Variants in NADK observed in about 807,000 individuals in gnomAD.
The protein encoded by NADK is NAD kinase, also known as poly(P)/ATP NAD kinase.
In NADK, 22 loss-of-function variants were observed where a neutral mutation model predicts 49.8. That is an observed-to-expected ratio of 0.44 (90% CI 0.32 to 0.63). NADK has a LOEUF of 0.63. NADK is among the 30% of genes least tolerant of loss of function. NADK has a pLI of 0.06. For synonymous variants in NADK, 268 were observed against 253.7 expected (o/e 1.06, Z -0.54); for missense variants, 438 against 609.4 (o/e 0.72, Z 2.96).
chr1:1,769,816 C>T (rs959845968), intron 1 of NADK, among the ~76,000 whole-genome samples: 1 of 151,932 alleles, frequency 6.6e-6, no homozygotes, highest in African/African-American at 2.4e-5. Context: ...GTGGCTCACA[C>T]CTGTAATCCC....
intron 3 of NADK, chr1:1,759,088 A>T: frequency 6.6e-7 from 1 of 1,520,198 alleles, no homozygotes; most frequent in Non-Finnish European, 8.9e-7. Flanking sequence ...CCCCGCCAAC[A>T]GTCACCACTG....
chr1:1,777,404 T>G (rs1646243819), intron 1 of NADK, among the ~76,000 whole-genome samples: 1 of 152,100 alleles, frequency 6.6e-6, no homozygotes, highest in Admixed American at 6.6e-5. Flanking sequence ...AAAAAAAAAC[T>G]TATTAAGGCA....
chr1:1,762,701 G>A (rs1032687746), intron 2 of NADK, among the ~76,000 whole-genome samples: 3 of 152,200 alleles, frequency 2.0e-5, no homozygotes, highest in African/African-American at 7.2e-5. Context: ...TGGTTGCAGT[G>A]AGCCGAGATC....
At chr1:1,753,681 C>G in intron 10 of NADK, 32 bp from the exon 11 acceptor site, 1 of 1,571,994 alleles carries the variant, frequency 6.4e-7, no homozygotes, top group Non-Finnish European at 8.7e-7. Flanking sequence ...GTGTGGGCCC[C>G]CAGCTGTGGG....
At chr1:1,773,713 T>TGAGAGAGAGA (rs1333424237) in intron 1 of NADK, among the ~76,000 whole-genome samples, 4 of 126,660 alleles carry the variant, frequency 3.2e-5, no homozygotes, top group East Asian at 4.6e-4. Context: ...TGTGTGTGTG[T>TGAGAGAGAGA]GTGTGTGTGT....
At chr1:1,769,497 G>A (rs1307171408) in intron 1 of NADK, among the ~76,000 whole-genome samples, 3 of 152,158 alleles carry the variant, frequency 2.0e-5, no homozygotes, top group Non-Finnish European at 4.4e-5. Context: ...CTTGCAGCGA[G>A]CCGATATCGC....
intron 3 of NADK, among the ~76,000 whole-genome samples, chr1:1,761,286 T>C (rs1318258677): frequency 6.6e-6 from 1 of 152,154 alleles, no homozygotes; most frequent in African/African-American, 2.4e-5. Context: ...CCACCGCAGC[T>C]GACCAATTTT....
In NADK at chr1:1,756,468, T is replaced by G. The variant is rs375380392; in HGVS notation, c.499+35A>C. Reference sequence around the variant, plus strand: ...CTTCCAATGGGGCGGGGAACTGTGCTGGAGAAACCAAGGACAGAGCTGCTG... The same window carrying G: ...CTTCCAATGGGGCGGGGAACTGTGCGGGAGAAACCAAGGACAGAGCTGCTG... On this transcript the variant is annotated intron_variant, in intron 5 of 11. Coordinates refer to ENST00000341426, the MANE Select transcript of NADK (RefSeq NM_023018.5). 1.5e-5 allele frequency: 24 copies of G among 1,613,474 alleles called. No individual in the cohort carries two copies. In the African/African-American group the frequency reaches 2.9e-4, roughly 20 times the overall value.
chr1:1,771,058 AT>A (rs1388216952), intron 1 of NADK, among the ~76,000 whole-genome samples: 53 of 117,394 alleles, frequency 4.5e-4, no homozygotes, highest in African/African-American at 1.6e-3. Context: ...AAAAAAAAAT[AT>A]ATATATATAT....
At chr1:1,760,006 C>A (rs532915270) in intron 3 of NADK, 25 of 1,305,336 alleles carry the variant, frequency 1.9e-5, no homozygotes, top group Non-Finnish European at 2.7e-5. Context: ...AGAGCCACGG[C>A]GGGGCCGGGA....
At chr1:1,777,912 G>C (rs953545711) in intron 1 of NADK, among the ~76,000 whole-genome samples, 1 of 152,174 alleles carries the variant, frequency 6.6e-6, no homozygotes, top group African/African-American at 2.4e-5. Context: ...GCCCCTCTAA[G>C]CTTTCACGAG....
intron 2 of NADK, 131 bp from the exon 3 acceptor site, chr1:1,762,166 C>T: frequency 2.7e-6 from 2 of 750,940 alleles, no homozygotes; most frequent in East Asian, 5.5e-5. Flanking sequence ...ATCTGCCCAG[C>T]AGCCACACAA....
rs141867983 is a variant in NADK at position 1,769,368 on chromosome 1, G to A, written c.-40-3922C>T. On this transcript the variant is annotated intron_variant, in intron 1 of 11. Transcript: ENST00000341426. ...TTGTGACCAGCCTGGCCAACATGGC[G>A]AAACCCCGTCTCTACTAAAAATACA... Among the ~76,000 whole-genome samples the A allele has an allele frequency of 5.2e-3, 785 of 152,330 alleles. 6 individuals are homozygous for A. The highest frequency in any genetic ancestry group is 0.017 in the African/African-American group (723 of 41,582).
intron 10 of NADK, 56 bp from the exon 11 acceptor site, chr1:1,753,705 G>A (rs1234549743): frequency 6.8e-7 from 1 of 1,473,104 alleles, no homozygotes; most frequent in Admixed American, 1.9e-5. Flanking sequence ...GACGCTTCTA[G>A]GCACCCACCC....
At chr1:1,753,177 G>A (rs1645383716) in intron 11 of NADK, 117 bp from the exon 12 acceptor site, 4 of 1,297,538 alleles carry the variant, frequency 3.1e-6, no homozygotes, top group Non-Finnish European at 4.2e-6. Flanking sequence ...GTGGGGCCGG[G>A]CAGCCCCTCC....
At chr1:1,761,752 GA>G (rs1645731720) in intron 3 of NADK, 199 bp downstream of exon 3, 5 of 525,572 alleles carry the variant, frequency 9.5e-6, no homozygotes, top group South Asian at 6.9e-5. Flanking sequence ...GTTCAGGGAG[GA>G]CGCCCATGTG....
At chr1:1,765,077 A>G (rs1033724522) in intron 2 of NADK, 151 bp downstream of exon 2, 9 of 758,776 alleles carry the variant, frequency 1.2e-5, no homozygotes, top group African/African-American at 1.8e-5. Context: ...ATCCCCCTTC[A>G]AGGGCACAGC....
intron 3 of NADK, chr1:1,758,701 T>G: frequency 7.3e-7 from 1 of 1,374,356 alleles, no homozygotes; most frequent in Non-Finnish European, 9.5e-7. Context: ...GTTTCCTCAT[T>G]GGTCACATGG....
At chr1:1,780,496 G>A (rs1314081041), upstream of NADK, 1 of 152,276 alleles carries the variant, frequency 6.6e-6, no homozygotes, top group African/African-American at 2.4e-5. Context: ...CTGCAGGAGA[G>A]CTTCCCTGTT....
Sources: gnomAD v4.1 joint callset for allele counts (sites outside exome capture counted in the v4.1 genomes callset) on GRCh38, gnomAD v4.1.1 for gene constraint, MANE v1.5 for transcripts, NCBI Gene and HGNC (gene_info 2026-07-23, HGNC 2026-07-21) for gene names.